AFAP1: variants seen among roughly 807,000 people sequenced by gnomAD.
AFAP1 encodes the protein actin filament-associated protein 1.
Under a neutral mutation model 93.9 loss-of-function variants are expected in AFAP1, and 75 were observed. The observed-to-expected ratio is 0.80, with a 90% CI of 0.66 to 0.97. The LOEUF is 0.97. Ranked by LOEUF, AFAP1 falls within the 50% of genes least tolerant of loss-of-function variation. The pLI, the probability that AFAP1 is intolerant of heterozygous loss-of-function variation, is 0.00. For synonymous variants in AFAP1, 517 were observed against 430.7 expected (o/e 1.20, Z -2.48); for missense variants, 1,201 against 1,050.8 (o/e 1.14, Z -1.98).
chr4:7,932,476 G>A (rs1306992750), intron 1 of AFAP1, among the ~76,000 whole-genome samples: 1 of 152,168 alleles, frequency 6.6e-6, no homozygotes, highest in Non-Finnish European at 1.5e-5. Context: ...AATGGACCTG[G>A]AATCATGTAC....
chr4:7,869,170 A>T (rs939463915), intron 2 of AFAP1, among the ~76,000 whole-genome samples: 4 of 151,424 alleles, frequency 2.6e-5, no homozygotes, highest in African/African-American at 4.8e-5. Flanking sequence ...AGGGAAAAGA[A>T]AAGAAAAGAG....
At chr4:7,925,162 T>G (rs901424728) in intron 1 of AFAP1, among the ~76,000 whole-genome samples, 18 of 149,562 alleles carry the variant, frequency 1.2e-4, no homozygotes, top group Admixed American at 8.0e-4. Context: ...TTCCTTTATT[T>G]CCCCCAAAGA....
chr4:7,922,058 G>A lies in AFAP1; in HGVS notation c.-3+17598C>T, dbSNP rs188985909. Among the ~76,000 whole-genome samples, 17 of 152,316 alleles carry A rather than the reference G, an allele frequency of 1.1e-4. No homozygotes were observed. In the East Asian group the frequency reaches 2.7e-3, roughly 24 times the overall value. ...GAATCGCTTGAACCCAGGAAGCGGA[G>A]GTTGCAGTGAGCCAAGATCACGCCA... On this transcript the variant is annotated intron_variant, in intron 1 of 17. Coordinates refer to ENST00000420658, the MANE Select transcript of AFAP1 (RefSeq NM_001134647.2).
chr4:7,866,019 C>T (rs1716356812), intron 3 of AFAP1, among the ~76,000 whole-genome samples: 1 of 152,208 alleles, frequency 6.6e-6, no homozygotes, highest in Admixed American at 6.5e-5. Flanking sequence ...GCCTCAGCCT[C>T]CCAAGTAGCT....
chr4:7,913,415 C>T (rs1042030802), intron 1 of AFAP1, among the ~76,000 whole-genome samples: 3 of 151,180 alleles, frequency 2.0e-5, no homozygotes, highest in Admixed American at 6.6e-5. Flanking sequence ...AAAATGCTAG[C>T]GCATCACCCA....
intron 16 of AFAP1, among the ~76,000 whole-genome samples, chr4:7,769,404 T>G (rs1715090847): frequency 6.6e-6 from 1 of 152,174 alleles, no homozygotes; most frequent in Admixed American, 6.5e-5. Context: ...CTAGAGATGC[T>G]CAGGTAGCAG....
In AFAP1 at chr4:7,758,826, G is replaced by C. The variant is rs1713370494; in HGVS notation, c.*4939C>G. The C allele has an allele frequency of 6.6e-6, 1 of 152,216 alleles. No individual in the cohort carries two copies. The highest frequency in any genetic ancestry group is 2.1e-4 in the South Asian group (1 of 4,838). 9.4% of individuals were successfully genotyped at this position (152,216 alleles called of 1,614,324 possible). ...CCAGGAAAGCAGGAAATTCAGTGAA[G>C]CTACTACAAAGTGGGGCGAGTGGAC... On this transcript the variant is annotated 3_prime_UTR_variant, in exon 18 of 18. Coordinates refer to ENST00000420658, the MANE Select transcript of AFAP1 (RefSeq NM_001134647.2).
chr4:7,930,062 T>G (rs1255402821), intron 1 of AFAP1, among the ~76,000 whole-genome samples: 2 of 152,190 alleles, frequency 1.3e-5, no homozygotes, highest in Admixed American at 1.3e-4. Flanking sequence ...TCAATCTCAT[T>G]TTGTCACCGG....
chr4:7,814,207 A>G (rs1057175928), intron 8 of AFAP1, among the ~76,000 whole-genome samples: 1 of 152,234 alleles, frequency 6.6e-6, no homozygotes, highest in African/African-American at 2.4e-5. Flanking sequence ...TATGAGCAAA[A>G]TATCTGGAGA....
At chr4:7,863,327 G>A (rs1248762884) in intron 3 of AFAP1, among the ~76,000 whole-genome samples, 3 of 152,122 alleles carry the variant, frequency 2.0e-5, no homozygotes, top group Non-Finnish European at 2.9e-5. Context: ...GGTGAGGTGG[G>A]AAAATTGCAT....
At chr4:7,901,408 C>CA (rs1162737748) in intron 1 of AFAP1, among the ~76,000 whole-genome samples, 2 of 152,220 alleles carry the variant, frequency 1.3e-5, no homozygotes, top group Non-Finnish European at 2.9e-5. Context: ...CCATCACCAG[C>CA]ATGTTGGCTC....
Position 7,921,332 on chromosome 4 carries a change from C to G in AFAP1, c.-3+18324G>C, listed in dbSNP as rs561326305. On this transcript the variant is annotated intron_variant, in intron 1 of 17. Transcript: ENST00000420658. ...CTGGGTAGCTGGGATTACAGGCGCC[C>G]GCCACCACGCCTGGCTAATTTTTTT... Among the ~76,000 whole-genome samples the G allele has an allele frequency of 9.2e-5, 14 of 151,860 alleles. No individual in the cohort carries two copies. The East Asian group carries it at 2.7e-3, about 29-fold the overall frequency.
chr4:7,931,145 C>T (rs1721041693), intron 1 of AFAP1, among the ~76,000 whole-genome samples: 1 of 152,150 alleles, frequency 6.6e-6, no homozygotes, highest in Admixed American at 6.5e-5. Context: ...TTGTCTTCCA[C>T]AGGACATCTC....
intron 1 of AFAP1, among the ~76,000 whole-genome samples, chr4:7,880,513 G>C (rs1453497206): frequency 1.3e-5 from 2 of 151,986 alleles, no homozygotes; most frequent in Non-Finnish European, 2.9e-5. Flanking sequence ...CCCCTGACCT[G>C]ATGATCCACC....
intron 13 of AFAP1, among the ~76,000 whole-genome samples, chr4:7,780,036 G>C (rs1038862002): frequency 1.3e-5 from 2 of 152,234 alleles, no homozygotes; most frequent in East Asian, 3.8e-4. Flanking sequence ...AAGAGTGCAA[G>C]ATGGCAAACT....
In AFAP1 at chr4:7,800,522, C is replaced by T. The variant is rs374517381; in HGVS notation, c.1186G>A (p.Glu396Lys). 3.1e-6 allele frequency: 5 copies of T among 1,614,238 alleles called. No homozygotes were observed. Among genetic ancestry groups the T allele is most frequent in the Non-Finnish European group, 4.2e-6 (5 of 1,180,044 alleles). Residue 396 changes from glutamate (E) to lysine (K), a missense_variant, in exon 10 of 18, where the codon GAG becomes AAG. Coordinates refer to ENST00000420658, the MANE Select transcript of AFAP1 (RefSeq NM_001134647.2). ...TTAGAATCCAAACCCGGGATCACCT[C>T]GCAGCCACGGAGCGGAATAGACACA... ...HIVSIPLRGC[E>K]VIPGLDSKHP...
intron 1 of AFAP1, among the ~76,000 whole-genome samples, chr4:7,887,979 A>C (rs549860978): frequency 6.6e-6 from 1 of 152,242 alleles, no homozygotes; most frequent in East Asian, 1.9e-4. Context: ...GGCACGCGCC[A>C]CCACGCCCGG....
At position 7,798,202 on chromosome 4, in the gene AFAP1, G is replaced by A. The variant is rs537251369; in HGVS notation, c.1266+2240C>T. On this transcript the variant is annotated intron_variant, in intron 10 of 17. Transcript: ENST00000420658. ...TCACGGCACTGCAACTCTATTGGCT[G>A]GCTCACGGCACTGCAACTCTATTGG... Among the ~76,000 whole-genome samples the A allele has an allele frequency of 2.7e-3, 332 of 120,732 alleles. 2 individuals carry two copies. The highest frequency in any genetic ancestry group is 5.0e-3 in the Non-Finnish European group (280 of 55,590). The allele number at this position is 120,732 out of a possible 152,430, so 79.2% of individuals were successfully genotyped here.
At position 7,773,230 on chromosome 4, in the gene AFAP1, G is replaced by A. The variant is rs763462840; in HGVS notation, c.2063-220C>T. 22 of 645,602 alleles carry A rather than the reference G, an allele frequency of 3.4e-5. No individual in the cohort carries two copies. In the Middle Eastern group the frequency reaches 1.3e-3, roughly 39 times the overall value. The allele number at this position is 645,602 out of a possible 1,614,324, so 40.0% of individuals were successfully genotyped here. A position where few individuals can be genotyped will look rare whatever the true frequency, so the allele number is the denominator to read the frequency against. On this transcript the variant is annotated intron_variant, in intron 15 of 17. Transcript: ENST00000420658. ...CTGCAGCCGTTGAGGACTCGGACCA[G>A]GAAAGAGGAGATGCTGATTCTGACG...
Sources: allele counts gnomAD v4.1 joint callset (sites outside exome capture counted in the v4.1 genomes callset), GRCh38; gene constraint gnomAD v4.1.1; transcripts MANE v1.5; gene names NCBI Gene and HGNC (gene_info 2026-07-23, HGNC 2026-07-21).